The following UNC13C variants were observed in gnomAD, a reference collection of about 807,000 sequenced individuals.
UNC13C encodes protein unc-13 homolog C.
UNC13C carries 174 observed loss-of-function variants against 245.4 expected under a neutral mutation model. That is an observed-to-expected ratio of 0.71 (90% CI 0.63 to 0.80). The LOEUF (loss-of-function observed/expected upper bound fraction) is 0.80, where lower values mean the gene tolerates loss of function less well. UNC13C is among the 30% of genes least tolerant of loss of function. The probability of loss-of-function intolerance (pLI) is 0.00; values close to 1 mark genes in which losing one functional copy is unlikely to be tolerated. For missense variants in UNC13C, 2,829 were observed against 2,602.9 expected, an observed-to-expected ratio of 1.09 and a Z score of -1.89; for synonymous variants, 992 against 895.1, an observed-to-expected ratio of 1.11 and a Z score of -1.93.
chr15:54,598,217 C>T (rs1268737217), intron 30 of UNC13C, among the ~76,000 whole-genome samples: 4 of 152,112 alleles, frequency 2.6e-5, no homozygotes, highest in African/African-American at 7.2e-5. Flanking sequence ...CTCAGCCTCC[C>T]GAGTAGCTGG....
chr15:54,332,781 C>T (rs2038473494), intron 15 of UNC13C, among the ~76,000 whole-genome samples: 1 of 152,008 alleles, frequency 6.6e-6, no homozygotes, highest in African/African-American at 2.4e-5. Flanking sequence ...TTGTATCTTA[C>T]ATTCTTTAAT....
upstream of UNC13C, among the ~76,000 whole-genome samples, chr15:53,974,197 G>A (rs1162956450): frequency 6.6e-6 from 1 of 152,156 alleles, no homozygotes; most frequent in Non-Finnish European, 1.5e-5. Flanking sequence ...CACTATTATT[G>A]TGTTACTGAC....
chr15:53,992,025 T>C (rs1894414721), intron 1 of UNC13C, among the ~76,000 whole-genome samples: 1 of 152,056 alleles, frequency 6.6e-6, no homozygotes, highest in African/African-American at 2.4e-5. Context: ...TGAGACTTAT[T>C]ATCCCTTTCT....
chr15:54,107,826 A>G (rs116054715), intron 2 of UNC13C, among the ~76,000 whole-genome samples: 26 of 152,334 alleles, frequency 1.7e-4, no homozygotes, highest in African/African-American at 6.0e-4. Flanking sequence ...AAGTCTCTTT[A>G]TATTTATTCT....
rs184199315 is a variant in UNC13C at position 54,162,404 on chromosome 15, C to T, written c.3071+18720C>T. 3.5e-3 allele frequency among the ~76,000 whole-genome samples: 528 copies of T among 152,264 alleles called. 4 individuals are homozygous for T. The highest frequency in any genetic ancestry group is 6.8e-3 in the Middle Eastern group (2 of 292). On this transcript the variant is annotated intron_variant, in intron 4 of 32. Coordinates refer to ENST00000260323, the MANE Select transcript of UNC13C (RefSeq NM_001080534.3). ...GACCAGAAGGCATTCAAAGAGAATA[C>T]CTGGGCAGCTCTTGCAATCAGACAG...
At chr15:54,605,571 G>A (rs953959678) in intron 30 of UNC13C, among the ~76,000 whole-genome samples, 3 of 152,134 alleles carry the variant, frequency 2.0e-5, no homozygotes, top group African/African-American at 7.2e-5. Flanking sequence ...AAATTCTAAT[G>A]TAATTGTCCT....
chr15:54,352,734 C>T (rs551548564), intron 17 of UNC13C, among the ~76,000 whole-genome samples: 1 of 152,052 alleles, frequency 6.6e-6, no homozygotes, highest in African/African-American at 2.4e-5. Flanking sequence ...TCCCCTTGCT[C>T]TCTCCAGAAC....
chr15:54,102,768 G>A (rs531517225), intron 2 of UNC13C, among the ~76,000 whole-genome samples: 20 of 152,306 alleles, frequency 1.3e-4, no homozygotes, highest in African/African-American at 4.8e-4. Flanking sequence ...TCCCTGATAT[G>A]CTCAGAAGAT....
At chr15:54,178,304 A>T (rs2033683421) in intron 4 of UNC13C, among the ~76,000 whole-genome samples, 1 of 152,062 alleles carries the variant, frequency 6.6e-6, no homozygotes, top group Admixed American at 6.6e-5. Context: ...TCTCCACATG[A>T]TCTTTCTCTG....
At chr15:54,307,896 A>C (rs1310598460) in intron 13 of UNC13C, among the ~76,000 whole-genome samples, 2 of 152,012 alleles carry the variant, frequency 1.3e-5, no homozygotes, top group East Asian at 3.9e-4. Context: ...ATAAAATTCT[A>C]ACTTATCACT....
At chr15:54,102,268 C>G (rs559132810) in intron 2 of UNC13C, among the ~76,000 whole-genome samples, 2 of 152,090 alleles carry the variant, frequency 1.3e-5, no homozygotes, top group South Asian at 4.2e-4. Flanking sequence ...ATACAGTGGA[C>G]TGAGAGCTAG....
chr15:54,218,104 T>C (rs1203571625), intron 4 of UNC13C, among the ~76,000 whole-genome samples: 1 of 151,928 alleles, frequency 6.6e-6, no homozygotes, highest in Non-Finnish European at 1.5e-5. Flanking sequence ...ACAAACAAAA[T>C]GCAGTTTTAT....
At chr15:53,857,075 C>T in the UNC13C span, among the ~76,000 whole-genome samples, 3 of 152,046 alleles carry the variant, frequency 2.0e-5, no homozygotes, top group East Asian at 1.9e-4. Context: ...GGATTAGAGG[C>T]GTGAACCACC....
chr15:54,212,452 G>C (rs1054648687), intron 4 of UNC13C, among the ~76,000 whole-genome samples: 2 of 152,036 alleles, frequency 1.3e-5, no homozygotes, highest in South Asian at 4.1e-4. Flanking sequence ...CCACATCAAT[G>C]TATATTGAAA....
chr15:53,912,575 C>T, the UNC13C span: 1 of 149,480 alleles, frequency 6.7e-6, no homozygotes, highest in Admixed American at 6.7e-5. Context: ...GTATGTTTCT[C>T]CTATACATGA....
intron 2 of UNC13C, among the ~76,000 whole-genome samples, chr15:54,139,009 G>T (rs1157848296): frequency 8.9e-6 from 1 of 112,740 alleles, no homozygotes; most frequent in African/African-American, 3.3e-5. Flanking sequence ...CGCCAGGCTG[G>T]AGTGCAGTGG....
the UNC13C span, among the ~76,000 whole-genome samples, chr15:53,953,051 GT>G: frequency 6.6e-6 from 1 of 152,174 alleles, no homozygotes; most frequent in African/African-American, 2.4e-5. Flanking sequence ...TGAATAAGTT[GT>G]AATTGAATTA....
At chr15:54,498,083 A>C (rs1487858262) in intron 20 of UNC13C, among the ~76,000 whole-genome samples, 1 of 152,132 alleles carries the variant, frequency 6.6e-6, no homozygotes, top group East Asian at 1.9e-4. Context: ...AGTTTGAAAA[A>C]TCTGAATAAA....
Position 54,014,571 on chromosome 15 carries a change from G to A in UNC13C, c.1668G>A (p.Leu556=). The A allele has an allele frequency of 1.2e-6, 2 of 1,613,758 alleles. No individual in the cohort carries two copies. Among genetic ancestry groups the A allele is most frequent in the African/African-American group, 2.7e-5 (2 of 75,016 alleles). ...LSRSESDFSK[L]CQSYSEDFSE... is the part of the protein sequence containing the mutation. ...GTTCTGAATCAGATTTTTCCAAATT[G>A]TGTCAGTCTTACTCAGAAGATTTTT... Residue 556 remains leucine, a synonymous_variant, in exon 2 of 33, where the codon TTG becomes TTA. Transcript: ENST00000260323.
Sources: allele counts gnomAD v4.1 joint callset (sites outside exome capture counted in the v4.1 genomes callset), GRCh38; gene constraint gnomAD v4.1.1; transcripts MANE v1.5; gene names NCBI Gene and HGNC (gene_info 2026-07-23, HGNC 2026-07-21).